The following FIRRM variants were observed in gnomAD, a reference collection of about 807,000 sequenced individuals.
FIRRM encodes the protein FIGNL1-interacting regulator of recombination and mitosis.
At chr1:169,853,722 ATTATCTTCCCAG>A in the FIRRM span, 2 of 1,613,762 alleles carry the variant, frequency 1.2e-6, no homozygotes, top group South Asian at 2.2e-5. Context: ...GTCACCAGTT[ATTATCTTCCCAG>A]TTCAGCTCCC....
the FIRRM span, among the ~76,000 whole-genome samples, chr1:169,788,310 A>G: frequency 4.6e-5 from 7 of 152,314 alleles, no homozygotes; most frequent in East Asian, 9.6e-4. Flanking sequence ...CTACTCAAAG[A>G]TACTTGAAGT....
At chr1:169,797,710 A>C in the FIRRM span, among the ~76,000 whole-genome samples, 1 of 151,788 alleles carries the variant, frequency 6.6e-6, no homozygotes, top group Admixed American at 6.6e-5. Context: ...ATGCCCGGCT[A>C]ATTTTTTGTA....
the FIRRM span, among the ~76,000 whole-genome samples, chr1:169,790,727 T>A: frequency 0.024 from 3,720 of 152,270 alleles, 61 homozygotes; most frequent in South Asian, 0.035. Flanking sequence ...CCAATTAATG[T>A]ATTATGAGCC....
At chr1:169,796,321 CAG>C in the FIRRM span, among the ~76,000 whole-genome samples, 1 of 152,254 alleles carries the variant, frequency 6.6e-6, no homozygotes, top group East Asian at 1.9e-4. Flanking sequence ...TTTGGGAGAA[CAG>C]AGACACGGAA....
chr1:169,839,600 T>C, the FIRRM span, among the ~76,000 whole-genome samples: 1 of 152,234 alleles, frequency 6.6e-6, no homozygotes, highest in South Asian at 2.1e-4. Flanking sequence ...GGTTGTTTTT[T>C]ACTTGTTCAG....
At chr1:169,850,849 T>C in the FIRRM span, 40 of 153,224 alleles carry the variant, frequency 2.6e-4, no homozygotes, top group South Asian at 4.1e-3. Context: ...TAGCACTGAT[T>C]ATCCAGGCAG....
chr1:169,807,874 T>C, the FIRRM span: 1 of 1,610,054 alleles, frequency 6.2e-7, no homozygotes, highest in Non-Finnish European at 8.5e-7. Flanking sequence ...GACATTCTTT[T>C]CTCCTTCCAT....
chr1:169,786,682 A>G, the FIRRM span, among the ~76,000 whole-genome samples: 1 of 152,244 alleles, frequency 6.6e-6, no homozygotes, highest in African/African-American at 2.4e-5. Flanking sequence ...GCAGAGATCT[A>G]GAAGAATTTT....
chr1:169,803,707 G>T, the FIRRM span, among the ~76,000 whole-genome samples: 2 of 152,176 alleles, frequency 1.3e-5, no homozygotes, highest in Non-Finnish European at 2.9e-5. Context: ...GCCAGAGGTA[G>T]CCTTGAGGCA....
At chr1:169,823,049 C>T in the FIRRM span, among the ~76,000 whole-genome samples, 353 of 151,528 alleles carry the variant, frequency 2.3e-3, 17 homozygotes, top group East Asian at 0.067. Context: ...GTCAGGAGTT[C>T]AAGACCAGCC....
At chr1:169,836,832 G>A in the FIRRM span, 1,341 of 859,212 alleles carry the variant, frequency 1.6e-3, 3 homozygotes, top group Non-Finnish European at 2.1e-3. Flanking sequence ...AAGCTTTCTC[G>A]AAATATTAAA....
the FIRRM span, among the ~76,000 whole-genome samples, chr1:169,833,880 A>G: frequency 2.9e-5 from 4 of 137,110 alleles, no homozygotes; most frequent in Non-Finnish European, 6.1e-5. Flanking sequence ...TTAAATAGAG[A>G]CAGGGTCTGG....
chr1:169,794,439 C>A, the FIRRM span, among the ~76,000 whole-genome samples: 5 of 152,110 alleles, frequency 3.3e-5, no homozygotes, highest in African/African-American at 1.2e-4. Context: ...GGTAATTTGG[C>A]AATAATTAGT....
At chr1:169,823,975 C>A in the FIRRM span, among the ~76,000 whole-genome samples, 1 of 152,100 alleles carries the variant, frequency 6.6e-6, no homozygotes, top group Non-Finnish European at 1.5e-5. Context: ...TTGATGGTTT[C>A]CTCCAAAGAG....
chr1:169,851,928 T>A, the FIRRM span: 1 of 1,614,060 alleles, frequency 6.2e-7, no homozygotes. Context: ...AAAGAGGTCA[T>A]CTTTACAGGT....
At chr1:169,811,347 T>C in the FIRRM span, among the ~76,000 whole-genome samples, 27 of 152,332 alleles carry the variant, frequency 1.8e-4, no homozygotes, top group African/African-American at 6.3e-4. Flanking sequence ...CTGCTATATT[T>C]AAATTTTATT....
chr1:169,806,040 C>T, the FIRRM span: 6 of 1,602,206 alleles, frequency 3.7e-6, no homozygotes, highest in Non-Finnish European at 4.3e-6. Flanking sequence ...TCTGTTATTT[C>T]CAGTATGGAC....
chr1:169,847,254 T>G, the FIRRM span, among the ~76,000 whole-genome samples: 5 of 149,154 alleles, frequency 3.4e-5, no homozygotes, highest in Non-Finnish European at 7.4e-5. Context: ...ACACATGCTG[T>G]TGCAGAAATG....
At chr1:169,846,619 T>C in the FIRRM span, among the ~76,000 whole-genome samples, 1 of 152,322 alleles carries the variant, frequency 6.6e-6, no homozygotes, top group African/African-American at 2.4e-5. Flanking sequence ...CTTCTTAAAC[T>C]TCACGGGTCA....
Sources: gnomAD v4.1 joint callset for allele counts (sites outside exome capture counted in the v4.1 genomes callset) on GRCh38, gnomAD v4.1.1 for gene constraint, MANE v1.5 for transcripts, NCBI Gene and HGNC (gene_info 2026-07-23, HGNC 2026-07-21) for gene names.